Variants in ARHGAP24 observed in about 807,000 individuals in gnomAD.
The protein encoded by ARHGAP24 is Rho GTPase activating protein 24.
ARHGAP24 carries 50 observed loss-of-function variants against 76.4 expected under a neutral mutation model. The observed-to-expected ratio is 0.65, with a 90% confidence interval of 0.52 to 0.83. The LOEUF is 0.83. Ranked by LOEUF, ARHGAP24 falls within the 40% of genes least tolerant of loss-of-function variation. The pLI, the probability that ARHGAP24 is intolerant of heterozygous loss-of-function variation, is 0.00. For missense variants in ARHGAP24, 930 were observed against 914.2 expected (o/e 1.02, Z -0.22); for synonymous variants, 345 against 323.3 (o/e 1.07, Z -0.72).
intron 3 of ARHGAP24, among the ~76,000 whole-genome samples, chr4:85,725,773 A>T (rs1297557089): frequency 6.6e-6 from 1 of 152,198 alleles, no homozygotes; most frequent in Non-Finnish European, 1.5e-5. Context: ...CTTTGTGTTT[A>T]TTCAGCAACT....
chr4:85,989,977 G>A (rs1041986776), intron 8 of ARHGAP24: 1 of 151,574 alleles, frequency 6.6e-6, no homozygotes, highest in African/African-American at 2.4e-5. Flanking sequence ...TAAATAAAAG[G>A]TATAAAATTG....
chr4:85,820,811 T>G (rs1560650992), intron 3 of ARHGAP24, among the ~76,000 whole-genome samples: 2 of 152,048 alleles, frequency 1.3e-5, no homozygotes. Context: ...TTCTAAAAGG[T>G]CTTAAAAAAG....
intron 3 of ARHGAP24, among the ~76,000 whole-genome samples, chr4:85,776,179 C>T (rs1727303820): frequency 6.6e-6 from 1 of 152,068 alleles, no homozygotes; most frequent in Non-Finnish European, 1.5e-5. Flanking sequence ...TAGTAAAAGC[C>T]TTCTTCTAGT....
At chr4:85,782,059 AAAAG>A (rs1467251297) in intron 3 of ARHGAP24, among the ~76,000 whole-genome samples, 2,332 of 26,350 alleles carry the variant, frequency 0.089, 83 homozygotes, top group East Asian at 0.5. Flanking sequence ...AAAGAAAAAA[AAAAG>A]AAAAAAAAAA....
intron 3 of ARHGAP24, among the ~76,000 whole-genome samples, chr4:85,849,867 T>C (rs1228449990): frequency 1.3e-5 from 2 of 152,178 alleles, no homozygotes; most frequent in Non-Finnish European, 2.9e-5. Context: ...TTATGGAGGA[T>C]TTTTGCATCG....
intron 4 of ARHGAP24, among the ~76,000 whole-genome samples, chr4:85,926,778 A>C (rs915029362): frequency 3.9e-5 from 6 of 152,066 alleles, no homozygotes; most frequent in Non-Finnish European, 8.8e-5. Context: ...TTTGTGGATT[A>C]AGTCTTTAAG....
chr4:85,656,755 C>G (rs1722191179), intron 2 of ARHGAP24, among the ~76,000 whole-genome samples: 1 of 151,712 alleles, frequency 6.6e-6, no homozygotes, highest in Admixed American at 6.6e-5. Flanking sequence ...TGTGAGCCAC[C>G]ACGCCTGGCC....
At chr4:85,571,055 T>C (rs1338691777) in intron 2 of ARHGAP24, 1 of 211,860 alleles carries the variant, frequency 4.7e-6, no homozygotes, top group African/African-American at 2.3e-5. Flanking sequence ...TCTTTCTTTT[T>C]CTCAGGAGTA....
At chr4:85,861,307 C>T (rs74630895) in intron 3 of ARHGAP24, among the ~76,000 whole-genome samples, 1,882 of 152,070 alleles carry the variant, frequency 0.012, 45 homozygotes, top group African/African-American at 0.043. Context: ...TAACATGAGC[C>T]GGAACAGTGA....
intron 8 of ARHGAP24, among the ~76,000 whole-genome samples, chr4:85,987,083 C>T (rs1028225277): frequency 6.6e-6 from 1 of 151,862 alleles, no homozygotes; most frequent in Non-Finnish European, 1.5e-5. Context: ...AAAAGTGATC[C>T]CTAATGTAAA....
rs180836508 is a variant in ARHGAP24, at chr4:85,778,524, C to T, written c.268+56552C>T. Among the ~76,000 whole-genome samples, 514 of 152,294 alleles carry T rather than the reference C, an allele frequency of 3.4e-3. 7 individuals are homozygous for T. Among genetic ancestry groups the T allele is most frequent in the African/African-American group, 0.012 (499 of 41,572 alleles). On this transcript the variant is annotated intron_variant, in intron 3 of 9. Coordinates refer to ENST00000395184, the MANE Select transcript of ARHGAP24 (RefSeq NM_001025616.3). ...AAATCATATTTTTCTCTGGGTTTCA[C>T]TTCCCTTATCTACAAAATGGGTTCA...
At chr4:85,867,681 T>C (rs868486374) in intron 3 of ARHGAP24, among the ~76,000 whole-genome samples, 10 of 151,708 alleles carry the variant, frequency 6.6e-5, no homozygotes, top group Admixed American at 4.6e-4. Context: ...TGGAATCCTA[T>C]TTTTATACTC....
At position 85,897,649 on chromosome 4, in the gene ARHGAP24, G is replaced by A. The variant is rs147747536; in HGVS notation, c.269-25999G>A. ...CAGCTTTACAGTTCTGTCTCCCCATGGCTCTCATATTGCTGCCTTTCTTAC... is the reference window on the plus strand; with the variant it reads ...CAGCTTTACAGTTCTGTCTCCCCATAGCTCTCATATTGCTGCCTTTCTTAC... On this transcript the variant is annotated intron_variant, in intron 3 of 9. Coordinates refer to ENST00000395184, the MANE Select transcript of ARHGAP24 (RefSeq NM_001025616.3). Among the ~76,000 whole-genome samples the A allele has an allele frequency of 3.9e-5, 6 of 152,230 alleles. No individual in the cohort carries two copies. In the East Asian group the frequency reaches 1.2e-3, roughly 29 times the overall value.
intron 2 of ARHGAP24, among the ~76,000 whole-genome samples, chr4:85,710,219 T>C (rs1479361616): frequency 1.3e-5 from 2 of 152,134 alleles, no homozygotes; most frequent in Admixed American, 1.3e-4. Context: ...TACAACCATC[T>C]GATTTTCAAC....
chr4:85,711,468 T>C (rs1724525259), intron 2 of ARHGAP24, among the ~76,000 whole-genome samples: 1 of 152,202 alleles, frequency 6.6e-6, no homozygotes, highest in Admixed American at 6.6e-5. Context: ...TTTTAATCTA[T>C]GAATAGATAA....
intron 3 of ARHGAP24, among the ~76,000 whole-genome samples, chr4:85,900,308 A>T (rs1300416563): frequency 2.0e-5 from 3 of 152,224 alleles, no homozygotes; most frequent in Non-Finnish European, 2.9e-5. Flanking sequence ...CAATCATTTC[A>T]GCTGACAGCT....
At chr4:85,591,406 C>G (rs1175796971) in intron 2 of ARHGAP24, among the ~76,000 whole-genome samples, 2 of 152,080 alleles carry the variant, frequency 1.3e-5, no homozygotes, top group Non-Finnish European at 2.9e-5. Context: ...ACATATCTAC[C>G]AATGCTCATC....
intron 5 of ARHGAP24, among the ~76,000 whole-genome samples, chr4:85,945,324 G>A (rs531251166): frequency 5.9e-4 from 89 of 151,418 alleles, no homozygotes; most frequent in African/African-American, 2.1e-3. Context: ...TGTATATTTT[G>A]TTGAGATGGA....
chr4:85,921,053 T>C (rs1460642137), intron 3 of ARHGAP24, among the ~76,000 whole-genome samples: 3 of 152,164 alleles, frequency 2.0e-5, no homozygotes, highest in Non-Finnish European at 2.9e-5. Flanking sequence ...ATATAAGTCA[T>C]TCTATTATAA....
Sources: allele counts gnomAD v4.1 joint callset (sites outside exome capture counted in the v4.1 genomes callset), GRCh38; gene constraint gnomAD v4.1.1; transcripts MANE v1.5; gene names NCBI Gene and HGNC (gene_info 2026-07-23, HGNC 2026-07-21).